The following TRIM34 variants were observed in gnomAD, a reference collection of about 807,000 sequenced individuals.
TRIM34 encodes tripartite motif containing 34.
Under a neutral mutation model 38.1 loss-of-function variants are expected in TRIM34, and 41 were observed. That is an observed-to-expected ratio of 1.08 (90% CI 0.84 to 1.40). The LOEUF is 1.40. Ranked by LOEUF, TRIM34 falls within the 40% of genes most tolerant of loss-of-function variation. The probability of loss-of-function intolerance (pLI) is 0.00; values close to 1 mark genes in which losing one functional copy is unlikely to be tolerated. For missense variants in TRIM34, 556 were observed against 571.4 expected (o/e 0.97, Z 0.27); for synonymous variants, 200 against 202.5 (o/e 0.99, Z 0.10).
At chr11:5,640,924 TG>T (rs1235599547) in intron 4 of TRIM34, among the ~76,000 whole-genome samples, 2 of 92,332 alleles carry the variant, frequency 2.2e-5, no homozygotes, top group Admixed American at 2.7e-4. Context: ...TTATCTAATT[TG>T]TTGGCATACA....
intron 1 of TRIM34, among the ~76,000 whole-genome samples, chr11:5,628,091 G>T (rs766783625): frequency 2.0e-5 from 3 of 152,154 alleles, no homozygotes; most frequent in Non-Finnish European, 2.9e-5. Context: ...ACTGGGAAGT[G>T]GTGGGGTCAT....
chr11:5,643,745 G>A lies in TRIM34; in HGVS notation c.*36G>A, dbSNP rs750196584. 1.6e-5 allele frequency: 25 copies of A among 1,532,540 alleles called. No individual in the cohort carries two copies. The highest frequency in any genetic ancestry group is 4.0e-5 in the South Asian group (3 of 74,942). The allele number at this position is 1,532,540 out of a possible 1,614,324, so 94.9% of individuals were successfully genotyped here. ...TTCTTCACCTACAACCCTTTGTCTTGACTTATCTCCTGCAACTGACTCATC... is the reference window on the plus strand; with the variant it reads ...TTCTTCACCTACAACCCTTTGTCTTAACTTATCTCCTGCAACTGACTCATC... On this transcript the variant is annotated 3_prime_UTR_variant, in exon 8 of 8. Coordinates refer to ENST00000429814, the MANE Select transcript of TRIM34 (RefSeq NM_021616.6).
At chr11:5,640,732 T>C (rs1849970799) in intron 4 of TRIM34, among the ~76,000 whole-genome samples, 1 of 152,190 alleles carries the variant, frequency 6.6e-6, no homozygotes, top group Non-Finnish European at 1.5e-5. Flanking sequence ...ATATTATTTC[T>C]TTTTAAACCT....
chr11:5,636,750 T>C (rs1712543644), intron 4 of TRIM34, among the ~76,000 whole-genome samples: 1 of 152,218 alleles, frequency 6.6e-6, no homozygotes, highest in Non-Finnish European at 1.5e-5. Flanking sequence ...GGATTAACAT[T>C]TCACTTCTAG....
intron 4 of TRIM34, among the ~76,000 whole-genome samples, chr11:5,640,824 C>T (rs1849974289): frequency 6.6e-6 from 1 of 152,132 alleles, no homozygotes; most frequent in Admixed American, 6.6e-5. Context: ...AATCTCTTAA[C>T]ATGTTTTAGG....
chr11:5,630,297 T>A (rs944996016), intron 1 of TRIM34, among the ~76,000 whole-genome samples: 1 of 152,158 alleles, frequency 6.6e-6, no homozygotes, highest in East Asian at 1.9e-4. Context: ...AACCTTTTTT[T>A]CCCCCACATG....
Position 5,644,000 on chromosome 11 carries a change from G to T in TRIM34, c.*291G>T. The T allele has an allele frequency of 2.1e-6, 1 of 479,534 alleles. No individual in the cohort carries two copies. The highest frequency in any genetic ancestry group is 3.6e-6 in the Non-Finnish European group (1 of 280,088). The allele number at this position is 479,534 out of a possible 1,614,324, so 29.7% of individuals were successfully genotyped here. A position where few individuals can be genotyped will look rare whatever the true frequency, so the allele number is the denominator to read the frequency against. On this transcript the variant is annotated 3_prime_UTR_variant, in exon 8 of 8. Coordinates refer to ENST00000429814, the MANE Select transcript of TRIM34 (RefSeq NM_021616.6). ...TGTTTCACTTTATCACTGATATGAAGAGGCCCAAAGCCTGTTAGCCACCAT... is the reference window on the plus strand; with the variant it reads ...TGTTTCACTTTATCACTGATATGAATAGGCCCAAAGCCTGTTAGCCACCAT...
At chr11:5,642,943 C>A in intron 7 of TRIM34, 100 bp downstream of exon 7, 3 of 1,518,078 alleles carry the variant, frequency 2.0e-6, no homozygotes, top group Admixed American at 2.0e-5. Context: ...GCATTCTCAG[C>A]ACCTCCCAAA....
chr11:5,643,329 C>T lies in TRIM34; in HGVS notation c.1087C>T (p.Leu363=), dbSNP rs754321193. The change falls in exon 8 of 8, where the codon CTG becomes TTG. Residue 363 remains leucine, a synonymous_variant. Transcript: ENST00000429814. ...VDVSKKTAWI[L]GVYCRTYSRH... The stretch of plus-strand genomic sequence containing the variant: ...CGTGTCCAAGAAAACTGCCTGGATC[C>T]TGGGGGTATACTGTAGAACATATTC... 6.2e-7 allele frequency: 1 copy of T among 1,613,882 alleles called. No individual in the cohort carries two copies. Among genetic ancestry groups the T allele is most frequent in the East Asian group, 2.2e-5 (1 of 44,880 alleles).
Position 5,644,330 on chromosome 11 carries a change from T to G in TRIM34, c.*621T>G, listed in dbSNP as rs1382391083. 2 of 398,424 alleles carry G rather than the reference T, an allele frequency of 5.0e-6. No individual in the cohort carries two copies. The highest frequency in any genetic ancestry group is 8.8e-5 in the Admixed American group (2 of 22,710). The allele number at this position is 398,424 out of a possible 1,614,324, so 24.7% of individuals were successfully genotyped here. On this transcript the variant is annotated 3_prime_UTR_variant, in exon 8 of 8. Coordinates refer to ENST00000429814, the MANE Select transcript of TRIM34 (RefSeq NM_021616.6). ...TAAGATCACTGTGTAAAACTAAGTGTCTCTAAATGTAATGCATCGATTTAG... is the reference window on the plus strand; with the variant it reads ...TAAGATCACTGTGTAAAACTAAGTGGCTCTAAATGTAATGCATCGATTTAG...
chr11:5,622,194 C>T (rs762301929), upstream of TRIM34, among the ~76,000 whole-genome samples: 1 of 151,994 alleles, frequency 6.6e-6, no homozygotes, highest in Non-Finnish European at 1.5e-5. Flanking sequence ...ACCTGTAATC[C>T]CAGGACTTCG....
chr11:5,641,701 ATAAT>A (rs926392345), intron 5 of TRIM34, among the ~76,000 whole-genome samples: 1 of 152,188 alleles, frequency 6.6e-6, no homozygotes, highest in African/African-American at 2.4e-5. Context: ...TCTGGTGATG[ATAAT>A]TAATCTCTGC....
In TRIM34 at chr11:5,632,395, T is replaced by C. The variant is rs767253341; in HGVS notation, c.64T>C (p.Leu22=). ...GACCTGTCCCATCTGCCTGGAGCTG[T>C]TGACAGAACCCTTGAGTCTAGACTG... is the stretch of plus-strand genomic sequence containing the variant. The part of the protein sequence containing the change: ...EVTCPICLEL[L]TEPLSLDCGH... The change falls in exon 2 of 8, where the codon TTG becomes CTG. Residue 22 remains leucine (L), a synonymous_variant. Transcript: ENST00000429814. 1.2e-6 allele frequency: 2 copies of C among 1,613,868 alleles called. No individual in the cohort carries two copies. Among genetic ancestry groups the C allele is most frequent in the Admixed American group, 1.7e-5 (1 of 59,974 alleles).
In TRIM34 at chr11:5,633,831, C is replaced by A; in HGVS notation, c.451C>A (p.Leu151Met). 6 of 1,613,982 alleles carry A rather than the reference C, an allele frequency of 3.7e-6. No homozygotes were observed. The highest frequency in any genetic ancestry group is 5.1e-6 in the Non-Finnish European group (6 of 1,179,962). The change falls in exon 3 of 8, where the codon CTG (leucine) becomes ATG (methionine). Residue 151 changes from leucine (L) to methionine (M), a missense_variant. Leu to Met is a conservative substitution (Grantham distance 15). Transcript: ENST00000429814. ...QEKLQAVLKR[L>M]KKEEEEAEKL... ...GAAACTCCAGGCAGTCCTCAAGAGG[C>A]TGAAGAAGGAAGAGGAGGAAGCTGA...
At chr11:5,636,938 A>G (rs1003955443) in intron 4 of TRIM34, among the ~76,000 whole-genome samples, 5 of 152,196 alleles carry the variant, frequency 3.3e-5, no homozygotes, top group African/African-American at 1.2e-4. Flanking sequence ...CGAGGTCAGG[A>G]GATCGAGATC....
chr11:5,638,354 C>A (rs1455789417), intron 4 of TRIM34, among the ~76,000 whole-genome samples: 1 of 152,172 alleles, frequency 6.6e-6, no homozygotes, highest in Non-Finnish European at 1.5e-5. Context: ...GCTTCCAGAG[C>A]CATCTGTGAC....
intron 6 of TRIM34, 132 bp downstream of exon 6, chr11:5,642,638 G>C: frequency 1.4e-6 from 2 of 1,386,528 alleles, no homozygotes; most frequent in Non-Finnish European, 1.9e-6. Flanking sequence ...ATATTCTGTG[G>C]TGAAGAGGAT....
intron 3 of TRIM34, among the ~76,000 whole-genome samples, 168 bp downstream of exon 3, chr11:5,634,067 G>GT (rs1314473985): frequency 6.6e-6 from 1 of 152,172 alleles, no homozygotes; most frequent in Non-Finnish European, 1.5e-5. Context: ...AAGTGGACAT[G>GT]TTACAATTAC....
At chr11:5,641,985 G>C (rs1430771696) in intron 5 of TRIM34, among the ~76,000 whole-genome samples, 1 of 152,118 alleles carries the variant, frequency 6.6e-6, no homozygotes, top group Non-Finnish European at 1.5e-5. Flanking sequence ...ATCACAGTCA[G>C]GATCTACAGC....
Sources: gnomAD v4.1 joint callset for allele counts (sites outside exome capture counted in the v4.1 genomes callset) on GRCh38, gnomAD v4.1.1 for gene constraint, MANE v1.5 for transcripts, NCBI Gene and HGNC (gene_info 2026-07-23, HGNC 2026-07-21) for gene names.